Variants in ANAPC1 observed in about 807,000 individuals in gnomAD.
ANAPC1 encodes anaphase-promoting complex subunit 1.
Under a neutral mutation model 208.0 loss-of-function variants are expected in ANAPC1, and 36 were observed. The observed-to-expected ratio is 0.17, with a 90% CI of 0.13 to 0.23. ANAPC1 has a LOEUF of 0.23. Ranked by LOEUF, ANAPC1 falls within the 10% of genes least tolerant of loss-of-function variation. ANAPC1 has a pLI of 1.00. For synonymous variants in ANAPC1, 378 were observed against 695.2 expected (o/e 0.54, Z 7.18); for missense variants, 942 against 2,011.6 (o/e 0.47, Z 10.17).
At chr2:111,866,723 CAAA>C (rs1224733777) in intron 7 of ANAPC1, among the ~76,000 whole-genome samples, 1 of 70,902 alleles carries the variant, frequency 1.4e-5, no homozygotes, top group Non-Finnish European at 2.8e-5. Flanking sequence ...GACTCCGTCT[CAAA>C]AAAAAAAAAA....
At chr2:111,853,229 T>C (rs1404159060) in intron 13 of ANAPC1, among the ~76,000 whole-genome samples, 1 of 152,214 alleles carries the variant, frequency 6.6e-6, no homozygotes, top group African/African-American at 2.4e-5. Flanking sequence ...CCCATGTCAT[T>C]ATATTTGAAG....
In ANAPC1 at chr2:111,768,766, AGG is replaced by A. The variant is rs1240817337; in HGVS notation, c.*523_*524del. On this transcript the variant is annotated 3_prime_UTR_variant, in exon 48 of 48. Transcript: ENST00000341068. ...CACAGTACTTCATGTTGAGCAACTG[AGG>A]GCAAAAATCTCCTTCTCCTGTTTAA... 6.7e-6 allele frequency: 1 copy of A among 148,366 alleles called. No homozygotes were observed. The highest frequency in any genetic ancestry group is 1.5e-5 in the Non-Finnish European group (1 of 67,106). 9.2% of individuals were successfully genotyped at this position (148,366 alleles called of 1,614,324 possible). A position where few individuals can be genotyped will look rare whatever the true frequency, so the allele number is the denominator to read the frequency against.
chr2:111,841,277 G>T (rs1342017239), intron 17 of ANAPC1, among the ~76,000 whole-genome samples: 4 of 151,876 alleles, frequency 2.6e-5, no homozygotes, highest in Admixed American at 2.6e-4. Context: ...AAAAATCTTT[G>T]CCTTCCTAGA....
At chr2:111,858,910 G>A (rs1282090533) in intron 10 of ANAPC1, among the ~76,000 whole-genome samples, 5 of 151,812 alleles carry the variant, frequency 3.3e-5, no homozygotes, top group Non-Finnish European at 1.5e-5. Context: ...CTTTGATTAT[G>A]AGCTCGTTAC....
rs1225546172 is a variant in ANAPC1 at position 111,825,819 on chromosome 2, C to A, written c.2662G>T (p.Val888Phe). ...AAATACTGTGAGGATTCATCAGAAA[C>A]CAAGCTCTCATCACCAAGTATGTAC... is the stretch of plus-strand genomic sequence containing the variant. ...ALYILGDESL[V>F]SDESSQYLTR... Residue 888 changes from valine (V) to phenylalanine (F), a missense_variant, in exon 22 of 48, where the codon GTT becomes TTT. Coordinates refer to ENST00000341068, the MANE Select transcript of ANAPC1 (RefSeq NM_022662.4). 6.2e-7 allele frequency: 1 copy of A among 1,613,730 alleles called. No individual in the cohort carries two copies. The highest frequency in any genetic ancestry group is 8.5e-7 in the Non-Finnish European group (1 of 1,179,718).
intron 13 of ANAPC1, among the ~76,000 whole-genome samples, chr2:111,852,685 T>C (rs1459889291): frequency 2.0e-5 from 3 of 152,216 alleles, no homozygotes; most frequent in Non-Finnish European, 4.4e-5. Flanking sequence ...ATCTGGCTCG[T>C]ATCCTGTTTT....
intron 20 of ANAPC1, among the ~76,000 whole-genome samples, chr2:111,832,305 G>GAA (rs11431305): frequency 1.4e-3 from 107 of 76,802 alleles, no homozygotes; most frequent in African/African-American, 2.9e-3. Context: ...CCTGTCTCAA[G>GAA]AAAAAAAAAA....
intron 18 of ANAPC1, among the ~76,000 whole-genome samples, chr2:111,835,430 G>A (rs976882965): frequency 1.3e-5 from 2 of 152,218 alleles, no homozygotes; most frequent in African/African-American, 2.4e-5. Context: ...TTCAGAGAAT[G>A]TGGTTTATGC....
chr2:111,770,421 TTTTCTTTGTA>T (rs1158851264), intron 47 of ANAPC1, among the ~76,000 whole-genome samples: 1 of 143,906 alleles, frequency 6.9e-6, no homozygotes, highest in Non-Finnish European at 1.5e-5. Flanking sequence ...CTAGGTATGG[TTTTCTTTGTA>T]TTTATCCTGC....
chr2:111,857,196 G>A (rs567319737), intron 11 of ANAPC1: 5 of 301,706 alleles, frequency 1.7e-5, no homozygotes, highest in Non-Finnish European at 2.5e-5. Flanking sequence ...ACACATAAAT[G>A]AGTACATGTC....
At chr2:111,769,595 T>C (rs1377229415) in intron 47 of ANAPC1, among the ~76,000 whole-genome samples, 189 bp from the exon 48 acceptor site, 1 of 151,760 alleles carries the variant, frequency 6.6e-6, no homozygotes, top group Non-Finnish European at 1.5e-5. Context: ...GAGTATCCCT[T>C]TTCCAAAATG....
At chr2:111,872,253 TTTAA>T (rs1682792360) in intron 6 of ANAPC1, among the ~76,000 whole-genome samples, 1 of 152,226 alleles carries the variant, frequency 6.6e-6, no homozygotes, top group African/African-American at 2.4e-5. Flanking sequence ...TCATATGGTT[TTTAA>T]TTGTTTATGT....
At chr2:111,797,092 C>T (rs1458136455) in intron 34 of ANAPC1, among the ~76,000 whole-genome samples, 2 of 150,762 alleles carry the variant, frequency 1.3e-5, no homozygotes, top group Non-Finnish European at 3.0e-5. Context: ...CGAACTCTGA[C>T]CTCGAGTGAT....
intron 11 of ANAPC1, 31 bp downstream of exon 11, chr2:111,858,275 T>A: frequency 6.4e-7 from 1 of 1,554,084 alleles, no homozygotes; most frequent in Non-Finnish European, 8.8e-7. Flanking sequence ...AAGTTATTTA[T>A]ACAGAAACAA....
intron 3 of ANAPC1, among the ~76,000 whole-genome samples, chr2:111,878,163 A>G (rs2104608344): frequency 6.6e-6 from 1 of 152,366 alleles, no homozygotes; most frequent in East Asian, 1.9e-4. Flanking sequence ...CAACAGTGTT[A>G]GTATCCATTT....
chr2:111,773,842 C>T (rs1676872155), intron 46 of ANAPC1, among the ~76,000 whole-genome samples: 2 of 151,968 alleles, frequency 1.3e-5, no homozygotes, highest in Admixed American at 6.6e-5. Context: ...AAAACAGGCG[C>T]CTTGCAGGTC....
chr2:111,798,056 C>G, intron 34 of ANAPC1, among the ~76,000 whole-genome samples: 1 of 132,674 alleles, frequency 7.5e-6, no homozygotes, highest in South Asian at 2.6e-4. Context: ...AGGAAAATAC[C>G]ACACCCATTG....
chr2:111,879,146 T>C (rs1683168609), intron 2 of ANAPC1, among the ~76,000 whole-genome samples, 175 bp from the exon 3 acceptor site: 1 of 152,230 alleles, frequency 6.6e-6, no homozygotes, highest in African/African-American at 2.4e-5. Context: ...CAGAATTACA[T>C]GAAGAATTTA....
At chr2:111,877,531 C>G (rs1246210544) in intron 3 of ANAPC1, among the ~76,000 whole-genome samples, 1 of 152,142 alleles carries the variant, frequency 6.6e-6, no homozygotes, top group Non-Finnish European at 1.5e-5. Flanking sequence ...AATCCCAGCA[C>G]TTTGGGAGGC....
Sources: allele counts gnomAD v4.1 joint callset (sites outside exome capture counted in the v4.1 genomes callset), GRCh38; gene constraint gnomAD v4.1.1; transcripts MANE v1.5; gene names NCBI Gene and HGNC (gene_info 2026-07-23, HGNC 2026-07-21).